COL22A1: variants seen among roughly 807,000 people sequenced by gnomAD.
The protein encoded by COL22A1 is collagen alpha-1(XXII) chain.
COL22A1 carries 221 observed loss-of-function variants against 248.9 expected under a neutral mutation model. The observed-to-expected ratio is 0.89, with a 90% CI of 0.80 to 0.99. COL22A1 has a LOEUF of 0.99. Among genes scored for constraint, COL22A1 ranks in the 50% least tolerant of loss-of-function variants. COL22A1 has a pLI of 0.00. For synonymous variants in COL22A1, 891 were observed against 793.4 expected (o/e 1.12, Z -2.07); for missense variants, 2,240 against 2,179.0 (o/e 1.03, Z -0.56).
intron 39 of COL22A1, among the ~76,000 whole-genome samples, chr8:138,682,427 T>C (rs1289462556): frequency 1.3e-5 from 2 of 152,222 alleles, no homozygotes; most frequent in Non-Finnish European, 2.9e-5. Context: ...ATAACACTTT[T>C]ATTATTATTT....
At position 138,778,375 on chromosome 8, in the gene COL22A1, G is replaced by C. The variant is rs924244129; in HGVS notation, c.1736C>G (p.Pro579Arg). The C allele has an allele frequency of 1.9e-5, 31 of 1,612,290 alleles. No homozygotes were observed. Among genetic ancestry groups the C allele is most frequent in the Non-Finnish European group, 2.5e-5 (29 of 1,179,442 alleles). Residue 579 changes from proline to arginine, a missense_variant, in exon 15 of 65, where the codon CCT (proline) becomes CGT (arginine). Pro to Arg is a moderately radical substitution (Grantham distance 103). Coordinates refer to ENST00000303045, the MANE Select transcript of COL22A1 (RefSeq NM_152888.3). The stretch of plus-strand genomic sequence containing the variant: ...TACAGGAGCTCCGACACGTCCAGGA[G>C]GTCCGGGGAGTCCAGGTGGTCCTTG... Reference protein sequence around the residue: ...GPQGPPGLPGPPGRVGAPGLQ... With the variant: ...GPQGPPGLPGRPGRVGAPGLQ...
Position 138,700,138 on chromosome 8 carries a change from G to C in COL22A1, c.2566C>G (p.Leu856Val), listed in dbSNP as rs1564213578. The change falls in exon 32 of 65, where the codon CTG becomes GTG. Residue 856 changes from leucine to valine, a missense_variant. Leu to Val is a conservative substitution (Grantham distance 32). Coordinates refer to ENST00000303045, the MANE Select transcript of COL22A1 (RefSeq NM_152888.3). Reference protein sequence around the residue: ...GPPGLPGTTSLFTPHPRMPGE... With the variant: ...GPPGLPGTTSVFTPHPRMPGE... Reference sequence around the variant, plus strand: ...GGCATCCGTGGATGTGGTGTGAACAGGGATGTCTGAAAAGGAAACCACAGA... The same window carrying C: ...GGCATCCGTGGATGTGGTGTGAACACGGATGTCTGAAAAGGAAACCACAGA... 2 of 1,613,586 alleles carry C rather than the reference G, an allele frequency of 1.2e-6. No homozygotes were observed. Among genetic ancestry groups the C allele is most frequent in the South Asian group, 1.1e-5 (1 of 90,706 alleles).
At chr8:138,646,203 G>A (rs1463086445) in intron 47 of COL22A1, among the ~76,000 whole-genome samples, 3 of 152,108 alleles carry the variant, frequency 2.0e-5, no homozygotes, top group African/African-American at 4.8e-5. Flanking sequence ...AACAGTGCTC[G>A]CTTGCATTCA....
chr8:138,714,196 C>T (rs1223993681), intron 30 of COL22A1, among the ~76,000 whole-genome samples: 4 of 152,208 alleles, frequency 2.6e-5, no homozygotes, highest in Non-Finnish European at 5.9e-5. Context: ...GCTGGGCTGG[C>T]CATGCAGTCC....
chr8:138,870,679 A>G (rs1052770534), intron 3 of COL22A1, among the ~76,000 whole-genome samples: 1 of 151,594 alleles, frequency 6.6e-6, no homozygotes, highest in Non-Finnish European at 1.5e-5. Flanking sequence ...GTGTATTTGC[A>G]TGTGGTGTGT....
Position 138,603,755 on chromosome 8 carries a change from C to T in COL22A1, c.4140+979G>A, listed in dbSNP as rs145540557. Reference sequence around the variant, plus strand: ...GCTGGGGTGAGGAGTAAACACTTTCCGAATATGAAGCTATCCGACTCAGCT... The same window carrying T: ...GCTGGGGTGAGGAGTAAACACTTTCTGAATATGAAGCTATCCGACTCAGCT... On this transcript the variant is annotated intron_variant, in intron 59 of 64. Coordinates refer to ENST00000303045, the MANE Select transcript of COL22A1 (RefSeq NM_152888.3). Among the ~76,000 whole-genome samples, 754 of 152,162 alleles carry T rather than the reference C, an allele frequency of 5.0e-3. 5 individuals carry two copies. Among genetic ancestry groups the T allele is most frequent in the African/African-American group, 0.017 (716 of 41,492 alleles).
At position 138,623,861 on chromosome 8, in the gene COL22A1, T is replaced by C. The variant is rs541204624; in HGVS notation, c.3718-76A>G. 7.5e-6 allele frequency: 10 copies of C among 1,327,886 alleles called. No homozygotes were observed. In the African/African-American group the frequency reaches 8.7e-5, roughly 12 times the overall value. The allele number at this position is 1,327,886 out of a possible 1,614,324, so 82.3% of individuals were successfully genotyped here. The stretch of plus-strand genomic sequence containing the variant: ...TGGAAAGACGAAGGCAGTTTCAGCA[T>C]GTCTTCCTGCCCAGCTTCCAGCAGT... On this transcript the variant is annotated intron_variant, in intron 51 of 64. Coordinates refer to ENST00000303045, the MANE Select transcript of COL22A1 (RefSeq NM_152888.3).
intron 8 of COL22A1, 97 bp downstream of exon 8, chr8:138,812,842 G>T: frequency 3.2e-6 from 3 of 943,594 alleles, no homozygotes; most frequent in South Asian, 1.3e-5. Context: ...ATGTCTCCCT[G>T]ACCACCAACC....
At chr8:138,725,871 C>A (rs1563673724) in intron 23 of COL22A1, among the ~76,000 whole-genome samples, 1 of 152,024 alleles carries the variant, frequency 6.6e-6, no homozygotes, top group South Asian at 2.1e-4. Context: ...AGGGCTGGCG[C>A]CAGGATCAGA....
At chr8:138,767,712 G>A (rs909921958) in intron 16 of COL22A1, among the ~76,000 whole-genome samples, 1 of 152,134 alleles carries the variant, frequency 6.6e-6, no homozygotes, top group Non-Finnish European at 1.5e-5. Flanking sequence ...GCACCGCCCG[G>A]TCTCCATCCT....
At chr8:138,746,952 G>A (rs1832165791) in intron 22 of COL22A1, among the ~76,000 whole-genome samples, 1 of 152,202 alleles carries the variant, frequency 6.6e-6, no homozygotes. Context: ...GTGCAACCCG[G>A]GCCCTGCCAC....
chr8:138,602,110 C>A lies in COL22A1; in HGVS notation c.4185+5G>T, dbSNP rs1818070701. ...GTGTTCAAGGTGCCTGTGCTCTCCACTCACCCTTTCTCCTTTGAATCCAGG... is the reference window on the plus strand; with the variant it reads ...GTGTTCAAGGTGCCTGTGCTCTCCAATCACCCTTTCTCCTTTGAATCCAGG... On this transcript the variant is annotated splice_donor_5th_base_variant and intron_variant, in intron 60 of 64. Coordinates refer to ENST00000303045, the MANE Select transcript of COL22A1 (RefSeq NM_152888.3). 6.2e-7 allele frequency: 1 copy of A among 1,614,148 alleles called. No individual in the cohort carries two copies. Among genetic ancestry groups the A allele is most frequent in the Non-Finnish European group, 8.5e-7 (1 of 1,180,018 alleles).
At chr8:138,880,099 G>T (rs1824078532) in intron 2 of COL22A1, among the ~76,000 whole-genome samples, 1 of 152,122 alleles carries the variant, frequency 6.6e-6, no homozygotes. Flanking sequence ...GATGTATAAA[G>T]AAATTCACAG....
chr8:138,886,860 C>A (rs924445706), intron 1 of COL22A1, among the ~76,000 whole-genome samples: 5 of 152,174 alleles, frequency 3.3e-5, no homozygotes, highest in African/African-American at 1.2e-4. Context: ...TCTCCATCCC[C>A]TTTCCATGCT....
At chr8:138,911,844 G>T (rs979595101) in intron 1 of COL22A1, among the ~76,000 whole-genome samples, 2 of 152,170 alleles carry the variant, frequency 1.3e-5, no homozygotes, top group Admixed American at 1.3e-4. Flanking sequence ...TTTAAAGGAT[G>T]CATGGATCCC....
chr8:138,630,755 A>C lies in COL22A1; in HGVS notation c.3610-7T>G, dbSNP rs1820650564. The C allele has an allele frequency of 1.2e-6, 2 of 1,613,708 alleles. No homozygotes were observed. Among genetic ancestry groups the C allele is most frequent in the Admixed American group, 1.7e-5 (1 of 60,024 alleles). Reference sequence around the variant, plus strand: ...CTGCAATTCCATCTGCCCCCTAAAAAAGACAAGGCAGAAAGCTAGTTTCTT... The same window carrying C: ...CTGCAATTCCATCTGCCCCCTAAAACAGACAAGGCAGAAAGCTAGTTTCTT... On this transcript the variant is annotated splice_polypyrimidine_tract_variant and splice_region_variant and intron_variant, in intron 49 of 64. Coordinates refer to ENST00000303045, the MANE Select transcript of COL22A1 (RefSeq NM_152888.3).
chr8:138,902,785 C>CACACACACACACA (rs1814713775), intron 1 of COL22A1, among the ~76,000 whole-genome samples: 2 of 145,420 alleles, frequency 1.4e-5, no homozygotes, highest in African/African-American at 5.2e-5. Context: ...CACACACACA[C>CACACACACACACA]TAGAACTGAC....
At chr8:138,643,701 AT>A (rs201041434) in intron 47 of COL22A1, among the ~76,000 whole-genome samples, 5 of 148,052 alleles carry the variant, frequency 3.4e-5, no homozygotes, top group African/African-American at 1.3e-4. Flanking sequence ...TTTTATATAT[AT>A]TTTAAAAAAT....
chr8:138,615,867 C>T, intron 55 of COL22A1, 134 bp downstream of exon 55: 1 of 658,346 alleles, frequency 1.5e-6, no homozygotes, highest in African/African-American at 1.8e-5. Flanking sequence ...CCTTGCCAAC[C>T]AATCCTGTGA....
Sources: allele counts gnomAD v4.1 joint callset (sites outside exome capture counted in the v4.1 genomes callset), GRCh38; gene constraint gnomAD v4.1.1; transcripts MANE v1.5; gene names NCBI Gene and HGNC (gene_info 2026-07-23, HGNC 2026-07-21).